The following DPPA4 variants were observed in gnomAD, a reference collection of about 807,000 sequenced individuals.
DPPA4 encodes developmental pluripotency-associated protein 4.
In DPPA4, 22 loss-of-function variants were observed where a neutral mutation model predicts 33.7. The observed-to-expected ratio is 0.65, with a 90% CI of 0.47 to 0.93. The LOEUF (loss-of-function observed/expected upper bound fraction) is 0.93. Among genes scored for constraint, DPPA4 ranks in the 40% least tolerant of loss-of-function variants. The pLI is 0.00. For synonymous variants in DPPA4, 156 were observed against 132.3 expected, an observed-to-expected ratio of 1.18 and a Z score of -1.23; for missense variants, 340 against 358.6, an observed-to-expected ratio of 0.95 and a Z score of 0.42.
intron 2 of DPPA4, among the ~76,000 whole-genome samples, chr3:109,332,797 C>G (rs1275835370): frequency 6.6e-6 from 1 of 152,166 alleles, no homozygotes; most frequent in African/African-American, 2.4e-5. Context: ...TGTCTTCATT[C>G]AGTAAAGATT....
chr3:109,337,838 A>G (rs1708244641), upstream of DPPA4, among the ~76,000 whole-genome samples: 1 of 152,182 alleles, frequency 6.6e-6, no homozygotes, highest in Non-Finnish European at 1.5e-5. Flanking sequence ...AAAAACAAAA[A>G]ACAAAAAAAC....
intron 5 of DPPA4, chr3:109,329,752 C>T (rs1162379485): frequency 6.6e-6 from 1 of 152,436 alleles, no homozygotes; most frequent in Admixed American, 6.5e-5. Flanking sequence ...TGTAATTCTT[C>T]CAACATATAA....
intron 6 of DPPA4, among the ~76,000 whole-genome samples, chr3:109,328,248 G>A (rs1707979379): frequency 6.6e-6 from 1 of 152,102 alleles, no homozygotes; most frequent in African/African-American, 2.4e-5. Flanking sequence ...AGGCCTTGGA[G>A]GGGCTCTTTT....
chr3:109,328,937 T>A lies in DPPA4; in HGVS notation c.831A>T (p.Pro277=), dbSNP rs1405079784. The A allele has an allele frequency of 1.9e-5, 31 of 1,613,686 alleles. No homozygotes were observed. Among genetic ancestry groups the A allele is most frequent in the Non-Finnish European group, 2.5e-5 (29 of 1,179,952 alleles). ...ALFLLPASNF[P]PPHLEDNMLC... ...ACATATTGTCTTCAAGGTGCGGGGG[T>A]GGAAAATTGGAGGCAGGAAGCAAGA... Residue 277 remains proline, a synonymous_variant, in exon 6 of 7, where the codon CCA becomes CCT. Transcript: ENST00000335658.
upstream of DPPA4, among the ~76,000 whole-genome samples, chr3:109,338,715 G>A (rs1232240418): frequency 6.6e-6 from 1 of 152,152 alleles, no homozygotes; most frequent in Non-Finnish European, 1.5e-5. Flanking sequence ...CAACCCCCAA[G>A]GCGGCAAAGA....
chr3:109,332,532 A>G (rs1313753463), intron 2 of DPPA4, among the ~76,000 whole-genome samples: 1 of 152,132 alleles, frequency 6.6e-6, no homozygotes, highest in Non-Finnish European at 1.5e-5. Context: ...TAATCCACAG[A>G]ATCCAGGTGG....
intron 5 of DPPA4, 192 bp downstream of exon 5, chr3:109,330,313 AAAAAAAAAAAAAAAAAAAG>A (rs568884878): frequency 1.1e-4 from 3 of 28,286 alleles, no homozygotes; most frequent in Non-Finnish European, 1.2e-4. Flanking sequence ...AAAAAAAAAA[AAAAAAAAAAAAAAAAAAAG>A]GAAAAAAAAA....
chr3:109,333,992 C>T lies in DPPA4; in HGVS notation c.56G>A (p.Trp19Ter), dbSNP rs375535614. ...TSMEKAKGKE[W>*]TSTEKSREED... is the part of the protein sequence containing the mutation. ...TTCCCTCGACTTCTCTGTGGAGGTC[C>T]ACTGGGGAACAGAGGAGCTGGTCAG... is the stretch of plus-strand genomic sequence containing the variant. Residue 19 changes from tryptophan to a stop codon, truncating the protein, a stop_gained and splice_region_variant, in exon 2 of 7, where the codon TGG (tryptophan) becomes TAG (stop). Coordinates refer to ENST00000335658, the MANE Select transcript of DPPA4 (RefSeq NM_018189.4). LOFTEE classifies it high-confidence loss of function. 9.3e-6 allele frequency: 15 copies of T among 1,613,860 alleles called. No homozygotes were observed. The highest frequency in any genetic ancestry group is 6.7e-5 in the East Asian group (3 of 44,902).
rs1012139634 is a variant in DPPA4, at chr3:109,327,243, G to A, written c.*745C>T. ...CTTTCTTTGCCTTAAAATACTTTAC[G>A]TTTTATGAAATTGCAATTGGAATGA... is the stretch of plus-strand genomic sequence containing the variant. On this transcript the variant is annotated 3_prime_UTR_variant, in exon 7 of 7. Coordinates refer to ENST00000335658, the MANE Select transcript of DPPA4 (RefSeq NM_018189.4). The A allele has an allele frequency of 2.0e-5, 3 of 152,070 alleles. No individual in the cohort carries two copies. The South Asian group carries it at 6.2e-4, about 31-fold the overall frequency. 9.4% of individuals were successfully genotyped at this position (152,070 alleles called of 1,614,324 possible).
chr3:109,330,630 T>C lies in DPPA4; in HGVS notation c.573A>G (p.Thr191=). 2 of 1,614,152 alleles carry C rather than the reference T, an allele frequency of 1.2e-6. No individual in the cohort carries two copies. Among genetic ancestry groups the C allele is most frequent in the Non-Finnish European group, 1.7e-6 (2 of 1,180,028 alleles). ...NSTALLEGVN[T]VVVTTSAPEA... Reference sequence around the variant, plus strand: ...CTGGGGCAGAAGTTGTCACCACAACTGTATTAACTCCCTCAAGGAGAGCAG... The same window carrying C: ...CTGGGGCAGAAGTTGTCACCACAACCGTATTAACTCCCTCAAGGAGAGCAG... Residue 191 remains threonine (T), a synonymous_variant, in exon 5 of 7, where the codon ACA becomes ACG. Coordinates refer to ENST00000335658, the MANE Select transcript of DPPA4 (RefSeq NM_018189.4).
At chr3:109,330,300 CAAAAAA>C (rs71129042) in intron 5 of DPPA4, 376 of 347,652 alleles carry the variant, frequency 1.1e-3, no homozygotes, top group Middle Eastern at 1.9e-3. Context: ...GAAACTGTCT[CAAAAAA>C]AAAAAAAAAA....
chr3:109,333,378 A>T (rs1015821929), intron 2 of DPPA4: 1 of 146,198 alleles, frequency 6.8e-6, no homozygotes, highest in African/African-American at 2.6e-5. Flanking sequence ...AAAAAAAAAA[A>T]ACCAGCCTGT....
At chr3:109,331,260 C>CAAAAAAAAAAAAA (rs10593582) in intron 4 of DPPA4, among the ~76,000 whole-genome samples, 10 of 58,406 alleles carry the variant, frequency 1.7e-4, no homozygotes, top group Admixed American at 3.2e-4. Context: ...GACTCTGTCT[C>CAAAAAAAAAAAAA]AAAAAAAAAA....
chr3:109,331,580 GAA>G (rs1172836166), intron 4 of DPPA4, among the ~76,000 whole-genome samples, 152 bp downstream of exon 4: 1 of 139,470 alleles, frequency 7.2e-6, no homozygotes, highest in Non-Finnish European at 1.6e-5. Context: ...AAGAAAGAAA[GAA>G]AAAAAAGAGA....
At chr3:109,336,679 C>T (rs1299202229) in intron 1 of DPPA4, among the ~76,000 whole-genome samples, 1 of 152,152 alleles carries the variant, frequency 6.6e-6, no homozygotes, top group African/African-American at 2.4e-5. Flanking sequence ...CCCCCATATT[C>T]AGTTAGTTCT....
In DPPA4 at chr3:109,330,737, T is replaced by C. The variant is rs933603168; in HGVS notation, c.466A>G (p.Thr156Ala). Reference protein sequence around the residue: ...QKKLKVEKGETSLQSSETHPP... With the variant: ...QKKLKVEKGEASLQSSETHPP... ...TGTGTCTCAGAACTTTGCAGGGACG[T>C]TTCCCCCTTTTCCACCTTTAATTTT... Residue 156 changes from threonine (T) to alanine (A), a missense_variant, in exon 5 of 7, where the codon ACG becomes GCG. Coordinates refer to ENST00000335658, the MANE Select transcript of DPPA4 (RefSeq NM_018189.4). 6.2e-7 allele frequency: 1 copy of C among 1,614,122 alleles called. No individual in the cohort carries two copies.
intron 3 of DPPA4, 33 bp downstream of exon 3, chr3:109,331,838 C>A (rs748304448): frequency 6.2e-7 from 1 of 1,613,472 alleles, no homozygotes; most frequent in Non-Finnish European, 8.5e-7. Context: ...TACCCTTCCT[C>A]CCAGCAGCAC....
At chr3:109,334,920 T>TC (rs1191212895) in intron 1 of DPPA4, among the ~76,000 whole-genome samples, 1 of 152,188 alleles carries the variant, frequency 6.6e-6, no homozygotes, top group African/African-American at 2.4e-5. Flanking sequence ...ACCTGGTCCT[T>TC]CCAGACCAAT....
intron 6 of DPPA4, among the ~76,000 whole-genome samples, chr3:109,328,340 TAG>T (rs1211837588): frequency 2.6e-5 from 4 of 152,142 alleles, no homozygotes; most frequent in African/African-American, 9.7e-5. Flanking sequence ...TTGCTTGGCA[TAG>T]AGAGATTATC....
Sources: gnomAD v4.1 joint callset for allele counts (sites outside exome capture counted in the v4.1 genomes callset) on GRCh38, gnomAD v4.1.1 for gene constraint, MANE v1.5 for transcripts, NCBI Gene and HGNC (gene_info 2026-07-23, HGNC 2026-07-21) for gene names.